Variants in RALGAPA2 observed in about 807,000 individuals in gnomAD.
The protein encoded by RALGAPA2 is Ral GTPase activating protein catalytic subunit alpha 2, also known as ral GTPase-activating protein subunit alpha-2.
RALGAPA2 carries 139 observed loss-of-function variants against 230.4 expected under a neutral mutation model. The ratio of observed to expected loss-of-function variants is 0.60; its 90% CI spans 0.53 to 0.69. The LOEUF (loss-of-function observed/expected upper bound fraction) is 0.69. RALGAPA2 is among the 30% of genes least tolerant of loss of function. The pLI is 0.00. For synonymous variants in RALGAPA2, 847 were observed against 837.8 expected, an observed-to-expected ratio of 1.01 and a Z score of -0.19; for missense variants, 2,163 against 2,276.0, an observed-to-expected ratio of 0.95 and a Z score of 1.01.
intron 37 of RALGAPA2, among the ~76,000 whole-genome samples, chr20:20,433,682 A>C (rs976170312): frequency 6.6e-6 from 1 of 152,216 alleles, no homozygotes; most frequent in Non-Finnish European, 1.5e-5. Flanking sequence ...TTACTTAAAA[A>C]GGACCACAAA....
chr20:20,431,395 A>T (rs773914976), intron 37 of RALGAPA2, among the ~76,000 whole-genome samples: 2 of 152,222 alleles, frequency 1.3e-5, no homozygotes, highest in Non-Finnish European at 2.9e-5. Flanking sequence ...AGATCTGTAC[A>T]GAAAGCCCTG....
In RALGAPA2 at chr20:20,605,286, T is replaced by A. The variant is rs368421397; in HGVS notation, c.1927A>T (p.Ile643Phe). Residue 643 changes from isoleucine to phenylalanine, a missense_variant, in exon 15 of 40, where the codon ATT becomes TTT. Physicochemically the swap from Ile to Phe is conservative, Grantham distance 21 (BLOSUM62 0). Transcript: ENST00000202677. ...AGCACTGCTGTCAAGGAGTCCATAATGTTGGCCCACTCGTTTATAAGTTCC... is the reference window on the plus strand; with the variant it reads ...AGCACTGCTGTCAAGGAGTCCATAAAGTTGGCCCACTCGTTTATAAGTTCC... The part of the protein sequence containing the change: ...WEELINEWAN[I>F]MDSLTAVLAR... 31 of 1,613,722 alleles carry A rather than the reference T, an allele frequency of 1.9e-5. No individual in the cohort carries two copies. Among genetic ancestry groups the A allele is most frequent in the Middle Eastern group, 1.6e-4 (1 of 6,084 alleles).
chr20:20,680,876 A>T lies in RALGAPA2; in HGVS notation c.107-75T>A, dbSNP rs902765414. 3.3e-6 allele frequency: 5 copies of T among 1,500,210 alleles called. No individual in the cohort carries two copies. The African/African-American group carries it at 5.7e-5, about 17-fold the overall frequency. 92.9% of individuals were successfully genotyped at this position (1,500,210 alleles called of 1,614,324 possible). A position where few individuals can be genotyped will look rare whatever the true frequency, so the allele number is the denominator to read the frequency against. ...AGAATTTAGAAACAAACTTCTCAGA[A>T]AAGAAGGCAAGTACAACTAGTTTCA... is the stretch of plus-strand genomic sequence containing the variant. On this transcript the variant is annotated intron_variant, in intron 1 of 39. Coordinates refer to ENST00000202677, the MANE Select transcript of RALGAPA2 (RefSeq NM_020343.4).
rs1466518594 is a variant in RALGAPA2 at position 20,602,075 on chromosome 20, ATAT to A, written c.2039-232_2039-230del. 6.6e-5 allele frequency among the ~76,000 whole-genome samples: 10 copies of A among 152,358 alleles called. No individual in the cohort carries two copies. In the South Asian group the frequency reaches 2.1e-3, roughly 32 times the overall value. ...TCAAGAATCTAAAACAGTCTTATGG[ATAT>A]TATTATATCTTCATAGTACTCATTC... On this transcript the variant is annotated intron_variant, in intron 15 of 39. Transcript: ENST00000202677.
chr20:20,712,574 G>A lies in RALGAPA2; in HGVS notation c.-94C>T. ...GGGTCGAGGCCGGCGCGTGTCGCGC[G>A]GGCCACTCGCCGCCCCCAGCCCCGC... On this transcript the variant is annotated 5_prime_UTR_variant, in exon 1 of 40. Coordinates refer to ENST00000202677, the MANE Select transcript of RALGAPA2 (RefSeq NM_020343.4). The surrounding 1 kb of genome is among the most constrained non-coding windows in gnomAD (Gnocchi z 5.5). 1 of 1,283,912 alleles carries A rather than the reference G, an allele frequency of 7.8e-7. No homozygotes were observed. The highest frequency in any genetic ancestry group is 9.9e-7 in the Non-Finnish European group (1 of 1,014,210). The allele number at this position is 1,283,912 out of a possible 1,614,324, so 79.5% of individuals were successfully genotyped here.
intron 9 of RALGAPA2, among the ~76,000 whole-genome samples, chr20:20,630,127 G>A (rs2066622444): frequency 6.6e-6 from 1 of 152,116 alleles, no homozygotes; most frequent in Non-Finnish European, 1.5e-5. Context: ...AGAATCTTAG[G>A]TCAAACATAA....
At chr20:20,458,985 G>C (rs2061237874) in intron 37 of RALGAPA2, among the ~76,000 whole-genome samples, 1 of 151,294 alleles carries the variant, frequency 6.6e-6, no homozygotes, top group Non-Finnish European at 1.5e-5. Context: ...CATAGAACTG[G>C]TGGCTAAGAA....
At chr20:20,560,417 T>C (rs1349390913) in intron 23 of RALGAPA2, among the ~76,000 whole-genome samples, 1 of 152,230 alleles carries the variant, frequency 6.6e-6, no homozygotes, top group South Asian at 2.1e-4. Context: ...AAAACAATGT[T>C]CTCTCTAAAA....
chr20:20,653,639 T>A, intron 3 of RALGAPA2, 52 bp from the exon 4 acceptor site: 1 of 1,096,772 alleles, frequency 9.1e-7, no homozygotes, highest in Non-Finnish European at 1.3e-6. Context: ...TTACACATTT[T>A]CATGACAGGC....
chr20:20,620,962 G>A (rs1469960535), intron 10 of RALGAPA2, among the ~76,000 whole-genome samples: 1 of 152,116 alleles, frequency 6.6e-6, no homozygotes, highest in Non-Finnish European at 1.5e-5. Context: ...CCAACATGGT[G>A]AAACCCCATC....
At chr20:20,450,701 AG>A (rs2060968123) in intron 37 of RALGAPA2, among the ~76,000 whole-genome samples, 2 of 152,254 alleles carry the variant, frequency 1.3e-5, no homozygotes, top group Non-Finnish European at 2.9e-5. Context: ...GTTGTCGCCA[AG>A]AGTGAGAATA....
intron 3 of RALGAPA2, among the ~76,000 whole-genome samples, chr20:20,664,794 T>C (rs1299960740): frequency 6.6e-6 from 1 of 152,150 alleles, no homozygotes; most frequent in Non-Finnish European, 1.5e-5. Context: ...CACCACCCCA[T>C]AAATTCAGAG....
rs1307483120 is a variant in RALGAPA2, at chr20:20,629,438, C to A, written c.1158G>T (p.Met386Ile). 1 of 1,613,622 alleles carries A rather than the reference C, an allele frequency of 6.2e-7. No homozygotes were observed. Among genetic ancestry groups the A allele is most frequent in the Non-Finnish European group, 8.5e-7 (1 of 1,179,874 alleles). ...GAATCCGCTGTACCATTTCATACACCATTCGGTGCTCTTCTTCAATGCTAC... is the reference window on the plus strand; with the variant it reads ...GAATCCGCTGTACCATTTCATACACAATTCGGTGCTCTTCTTCAATGCTAC... Reference protein sequence around the residue: ...SLCSIEEEHRMVYEMVQRILL... With the variant: ...SLCSIEEEHRIVYEMVQRILL... The change falls in exon 10 of 40, where the codon ATG becomes ATT. Residue 386 changes from methionine to isoleucine, a missense_variant. Physicochemically the swap from Met to Ile is conservative, Grantham distance 10. Transcript: ENST00000202677.
intron 10 of RALGAPA2, among the ~76,000 whole-genome samples, chr20:20,623,793 G>A (rs1380298188): frequency 6.6e-6 from 1 of 152,074 alleles, no homozygotes; most frequent in Non-Finnish European, 1.5e-5. Context: ...TTTAATGTCT[G>A]GAAGTTCTAT....
chr20:20,626,881 G>A (rs1020183619), intron 10 of RALGAPA2, among the ~76,000 whole-genome samples: 1 of 152,130 alleles, frequency 6.6e-6, no homozygotes, highest in East Asian at 1.9e-4. Flanking sequence ...TGACAGAGAC[G>A]TACGATCCAC....
chr20:20,469,318 T>C (rs142530091), intron 37 of RALGAPA2, among the ~76,000 whole-genome samples: 7 of 152,332 alleles, frequency 4.6e-5, no homozygotes, highest in African/African-American at 9.6e-5. Flanking sequence ...AAGGTTGTTA[T>C]AGCTTTAGGG....
At chr20:20,579,281 G>A (rs757036630) in intron 20 of RALGAPA2, among the ~76,000 whole-genome samples, 13 of 152,048 alleles carry the variant, frequency 8.5e-5, no homozygotes, top group Non-Finnish European at 1.6e-4. Context: ...GTATTTGTTC[G>A]CTGATTCAAG....
intron 16 of RALGAPA2, among the ~76,000 whole-genome samples, chr20:20,593,072 T>C (rs569347742): frequency 1.3e-5 from 2 of 152,248 alleles, no homozygotes; most frequent in East Asian, 3.9e-4. Context: ...TGCACACCAC[T>C]ATACCCAAAA....
chr20:20,606,183 G>T (rs374632532), intron 14 of RALGAPA2, among the ~76,000 whole-genome samples: 1 of 152,032 alleles, frequency 6.6e-6, no homozygotes, highest in African/African-American at 2.4e-5. Context: ...CAAACTTCTT[G>T]AACGAATGTT....
Sources: gnomAD v4.1 joint callset for allele counts (sites outside exome capture counted in the v4.1 genomes callset) on GRCh38, gnomAD v4.1.1 for gene constraint, Gnocchi (gnomAD v3.1) non-coding constraint, MANE v1.5 for transcripts, NCBI Gene and HGNC (gene_info 2026-07-23, HGNC 2026-07-21) for gene names.